The following ADD3 variants were observed in gnomAD, a reference collection of about 807,000 sequenced individuals.
ADD3 encodes gamma-adducin.
In ADD3, 25 loss-of-function variants were observed where a neutral mutation model predicts 80.2. The ratio of observed to expected loss-of-function variants is 0.31; its 90% CI spans 0.23 to 0.44. The LOEUF (loss-of-function observed/expected upper bound fraction) is 0.44, where lower values mean the gene tolerates loss of function less well. Among genes scored for constraint, ADD3 ranks in the 20% least tolerant of loss-of-function variants. The pLI, the probability that ADD3 is intolerant of heterozygous loss-of-function variation, is 1.00. For missense variants in ADD3, 829 were observed against 847.5 expected (o/e 0.98, Z 0.27); for synonymous variants, 284 against 289.6 (o/e 0.98, Z 0.20).
At chr10:110,033,363 A>G in intron 1 of ADD3, among the ~76,000 whole-genome samples, 1 of 152,236 alleles carries the variant, frequency 6.6e-6, no homozygotes, top group Admixed American at 6.5e-5. Flanking sequence ...AGTATTGTTT[A>G]AATTGGTCAT....
intron 3 of ADD3, 27 bp from the exon 4 acceptor site, chr10:110,116,232 C>T: frequency 6.2e-7 from 1 of 1,611,500 alleles, no homozygotes; most frequent in Non-Finnish European, 8.5e-7. Flanking sequence ...TGACTCGTAT[C>T]TCTCTCCACA....
intron 1 of ADD3, among the ~76,000 whole-genome samples, chr10:109,999,912 T>C (rs1851452185): frequency 6.6e-6 from 1 of 150,810 alleles, no homozygotes; most frequent in African/African-American, 2.5e-5. Context: ...AGCTATGTCT[T>C]AAGGTTGTTT....
intron 2 of ADD3, among the ~76,000 whole-genome samples, chr10:110,110,695 T>A (rs562437502): frequency 4.1e-5 from 6 of 145,114 alleles, no homozygotes; most frequent in Admixed American, 2.1e-4. Flanking sequence ...TCGTATGCCA[T>A]TTTTTTTTTT....
At chr10:110,081,254 T>A (rs1020214957) in intron 1 of ADD3, among the ~76,000 whole-genome samples, 1 of 152,178 alleles carries the variant, frequency 6.6e-6, no homozygotes, top group African/African-American at 2.4e-5. Flanking sequence ...TTCATACGCA[T>A]TTTTTGACAT....
chr10:110,007,980 C>T (rs973328973), upstream of ADD3: 1 of 152,020 alleles, frequency 6.6e-6, no homozygotes, highest in Non-Finnish European at 1.5e-5. Context: ...CGGCTAGTCC[C>T]GCCAGAGCGC....
intron 1 of ADD3, among the ~76,000 whole-genome samples, chr10:110,018,719 A>G (rs1425675180): frequency 6.6e-6 from 1 of 152,142 alleles, no homozygotes; most frequent in Non-Finnish European, 1.5e-5. Flanking sequence ...AGTTTATAAT[A>G]GTGGTTCACA....
intron 1 of ADD3, among the ~76,000 whole-genome samples, chr10:110,063,125 A>G (rs1464679518): frequency 1.3e-5 from 2 of 152,196 alleles, no homozygotes; most frequent in Non-Finnish European, 2.9e-5. Flanking sequence ...GGCCTAATTT[A>G]GATTTTAAGT....
chr10:110,084,263 T>C (rs1368176426), intron 1 of ADD3, among the ~76,000 whole-genome samples: 2 of 152,222 alleles, frequency 1.3e-5, no homozygotes, highest in Admixed American at 6.5e-5. Context: ...TAGATTCTTA[T>C]GGAAATAACA....
intron 1 of ADD3, among the ~76,000 whole-genome samples, chr10:110,080,941 T>C (rs1462852729): frequency 3.3e-5 from 5 of 152,216 alleles, no homozygotes; most frequent in African/African-American, 9.6e-5. Flanking sequence ...GTATCACACA[T>C]AGGATATTTA....
At chr10:110,019,619 G>C (rs536426984) in intron 1 of ADD3, among the ~76,000 whole-genome samples, 48 of 152,288 alleles carry the variant, frequency 3.2e-4, no homozygotes, top group African/African-American at 1.1e-3. Flanking sequence ...CTCCCAAAGT[G>C]CTGGGATTAC....
At chr10:110,000,771 C>G (rs1851469625) in intron 1 of ADD3, among the ~76,000 whole-genome samples, 1 of 152,186 alleles carries the variant, frequency 6.6e-6, no homozygotes, top group Admixed American at 6.5e-5. Flanking sequence ...GTTACTTATT[C>G]TCTCCAAGGC....
At chr10:110,068,708 T>A (rs1000084610) in intron 1 of ADD3, among the ~76,000 whole-genome samples, 3 of 152,184 alleles carry the variant, frequency 2.0e-5, no homozygotes, top group African/African-American at 7.2e-5. Context: ...TGTCAAAGTT[T>A]AGATGTTGTA....
intron 1 of ADD3, among the ~76,000 whole-genome samples, chr10:110,030,140 A>G (rs1854821091): frequency 6.9e-6 from 1 of 145,448 alleles, no homozygotes; most frequent in Non-Finnish European, 1.5e-5. Flanking sequence ...CCTGACCAAC[A>G]TGGAGAAACC....
At chr10:110,044,609 A>G (rs1218997798) in intron 1 of ADD3, among the ~76,000 whole-genome samples, 2 of 152,252 alleles carry the variant, frequency 1.3e-5, no homozygotes, top group African/African-American at 4.8e-5. Context: ...TTTTTATTTC[A>G]GATACAGTTA....
rs372492345 is a variant in ADD3 at position 110,030,610 on chromosome 10, T to C, written c.-30+22311T>C. On this transcript the variant is annotated intron_variant, in intron 1 of 14. Transcript: ENST00000356080. ...GGGCCCAGGCTTGGTGCCAGAATTA[T>C]AGAGTTCCACTGACATTATGGTAAC... Among the ~76,000 whole-genome samples, 19 of 151,552 alleles carry C rather than the reference T, an allele frequency of 1.3e-4. 1 individual carries two copies. In the South Asian group the frequency reaches 2.2e-3, roughly 17 times the overall value.
At chr10:110,126,339 C>A in intron 11 of ADD3, 78 bp from the exon 12 acceptor site, 1 of 1,104,286 alleles carries the variant, frequency 9.1e-7, no homozygotes, top group Non-Finnish European at 1.4e-6. Flanking sequence ...AAGTAGTAAG[C>A]TTTTATGAAA....
At chr10:110,015,955 C>A (rs1360386311) in intron 1 of ADD3, among the ~76,000 whole-genome samples, 5 of 152,220 alleles carry the variant, frequency 3.3e-5, no homozygotes, top group African/African-American at 1.2e-4. Context: ...TAGTAATAAC[C>A]TCTGAGAAGC....
In ADD3 at chr10:110,030,323, T is replaced by TAA. The variant is rs551525504; in HGVS notation, c.-30+22039_-30+22040dup. Among the ~76,000 whole-genome samples, 224 of 133,994 alleles carry TAA rather than the reference T, an allele frequency of 1.7e-3. 3 individuals are homozygous for TAA. The highest frequency in any genetic ancestry group is 5.3e-3 in the African/African-American group (196 of 37,276). The allele number at this position is 133,994 out of a possible 152,430, so 87.9% of individuals were successfully genotyped here. ...GGGCAATAAGAGCGAAACTCCATCT[T>TAA]AAAAAAAAAAAAAAAAGAAAGTGGT... is the stretch of plus-strand genomic sequence containing the variant. On this transcript the variant is annotated intron_variant, in intron 1 of 14. Transcript: ENST00000356080.
At chr10:110,127,001 C>T (rs1416404782) in intron 12 of ADD3, among the ~76,000 whole-genome samples, 1 of 152,156 alleles carries the variant, frequency 6.6e-6, no homozygotes, top group Non-Finnish European at 1.5e-5. Context: ...TATAATTGTT[C>T]CCAATTTCAG....
Sources: gnomAD v4.1 joint callset for allele counts (sites outside exome capture counted in the v4.1 genomes callset) on GRCh38, gnomAD v4.1.1 for gene constraint, MANE v1.5 for transcripts, NCBI Gene and HGNC (gene_info 2026-07-23, HGNC 2026-07-21) for gene names.